TRA2A: variants seen among roughly 807,000 people sequenced by gnomAD.
TRA2A encodes transformer-2 protein homolog alpha.
Under a neutral mutation model 45.7 loss-of-function variants are expected in TRA2A, and 31 were observed. The observed-to-expected ratio is 0.68, with a 90% CI of 0.51 to 0.92. The LOEUF (loss-of-function observed/expected upper bound fraction) is 0.92, where lower values mean the gene tolerates loss of function less well. TRA2A is among the 40% of genes least tolerant of loss of function. The probability of loss-of-function intolerance (pLI) is 0.00; values close to 1 mark genes in which losing one functional copy is unlikely to be tolerated. For synonymous variants in TRA2A, 132 were observed against 126.2 expected (o/e 1.05, Z -0.31); for missense variants, 304 against 367.5 (o/e 0.83, Z 1.41).
intron 1 of TRA2A, among the ~76,000 whole-genome samples, chr7:23,529,941 G>C (rs1245496231): frequency 2.0e-5 from 3 of 147,000 alleles, no homozygotes. Flanking sequence ...GGAGGGAAAA[G>C]TGACAATTGT....
chr7:23,527,439 G>A (rs1377390875), intron 1 of TRA2A, among the ~76,000 whole-genome samples: 1 of 152,038 alleles, frequency 6.6e-6, no homozygotes, highest in Non-Finnish European at 1.5e-5. Flanking sequence ...GAGGACATAT[G>A]AACAAATAGC....
chr7:23,506,425 T>C (rs2127990311), intron 5 of TRA2A, 159 bp from the exon 6 acceptor site: 1 of 896,838 alleles, frequency 1.1e-6, no homozygotes. Flanking sequence ...CATGGTATTC[T>C]GGTTTGCCTT....
chr7:23,522,539 C>T (rs1447408779), intron 1 of TRA2A: 1 of 182,140 alleles, frequency 5.5e-6, no homozygotes, highest in African/African-American at 2.7e-5. Context: ...AGGTAAAGTG[C>T]AAGTAACTAG....
chr7:23,513,990 T>C (rs371560691), intron 3 of TRA2A, among the ~76,000 whole-genome samples: 54 of 152,090 alleles, frequency 3.6e-4, no homozygotes, highest in African/African-American at 1.3e-3. Context: ...AGTATAAGCA[T>C]GTTAGGGCAA....
chr7:23,519,820 T>C (rs1014348255), intron 2 of TRA2A, among the ~76,000 whole-genome samples: 8 of 152,294 alleles, frequency 5.3e-5, no homozygotes, highest in African/African-American at 1.9e-4. Context: ...ATATTTCCCA[T>C]TTTAGCTAGC....
At chr7:23,527,543 G>A (rs974216225) in intron 1 of TRA2A, among the ~76,000 whole-genome samples, 1 of 152,186 alleles carries the variant, frequency 6.6e-6, no homozygotes, top group South Asian at 2.1e-4. Context: ...TTTTCTGCCA[G>A]TCAAGTTCTA....
intron 1 of TRA2A, among the ~76,000 whole-genome samples, chr7:23,525,668 C>G (rs913269652): frequency 2.6e-5 from 4 of 152,214 alleles, no homozygotes; most frequent in Non-Finnish European, 5.9e-5. Flanking sequence ...ACAATCTTCT[C>G]ATTGCAACCT....
chr7:23,506,072 C>A, intron 6 of TRA2A, 66 bp downstream of exon 6: 2 of 1,387,114 alleles, frequency 1.4e-6, no homozygotes, highest in Non-Finnish European at 2.0e-6. Context: ...ATGTATCCAA[C>A]ATAAAAGTGC....
At chr7:23,519,832 C>A (rs1037568299) in intron 2 of TRA2A, among the ~76,000 whole-genome samples, 1 of 152,036 alleles carries the variant, frequency 6.6e-6, no homozygotes, top group African/African-American at 2.4e-5. Context: ...TTAGCTAGCA[C>A]CAATTTACAG....
chr7:23,515,588 C>G (rs532229857), intron 3 of TRA2A, among the ~76,000 whole-genome samples: 2 of 149,108 alleles, frequency 1.3e-5, no homozygotes, highest in South Asian at 4.3e-4. Context: ...TCTCCCAGGC[C>G]AGTCTGGAAT....
At chr7:23,519,782 T>C (rs565084928) in intron 2 of TRA2A, among the ~76,000 whole-genome samples, 4 of 152,230 alleles carry the variant, frequency 2.6e-5, no homozygotes, top group African/African-American at 7.2e-5. Context: ...TGAAACACAA[T>C]AGGTGAACAA....
chr7:23,513,396 T>C (rs1310131651), intron 3 of TRA2A, among the ~76,000 whole-genome samples: 1 of 152,176 alleles, frequency 6.6e-6, no homozygotes, highest in African/African-American at 2.4e-5. Flanking sequence ...GGTGGGTGGA[T>C]CACCTGAGGT....
At chr7:23,531,385 T>G in intron 1 of TRA2A, 1 of 367,052 alleles carries the variant, frequency 2.7e-6, no homozygotes. Context: ...ATGCTCGGGG[T>G]CGCCAGAAAT....
chr7:23,515,027 AT>A (rs1300148574), intron 3 of TRA2A, among the ~76,000 whole-genome samples: 2 of 151,834 alleles, frequency 1.3e-5, no homozygotes, highest in African/African-American at 2.4e-5. Flanking sequence ...CCAAGACTCA[AT>A]TTTTTTTATA....
chr7:23,517,220 T>C (rs1244048906), intron 2 of TRA2A, among the ~76,000 whole-genome samples: 2 of 151,856 alleles, frequency 1.3e-5, no homozygotes, highest in Non-Finnish European at 2.9e-5. Flanking sequence ...CGGTGGCTCA[T>C]GCCTGTAATC....
At chr7:23,521,358 A>C (rs927220822) in intron 2 of TRA2A, among the ~76,000 whole-genome samples, 3 of 152,248 alleles carry the variant, frequency 2.0e-5, no homozygotes, top group Non-Finnish European at 4.4e-5. Flanking sequence ...TGCCAAACAC[A>C]TTTAAATTGA....
intron 1 of TRA2A, among the ~76,000 whole-genome samples, chr7:23,527,606 T>C (rs1251836240): frequency 6.6e-6 from 1 of 152,234 alleles, no homozygotes; most frequent in Non-Finnish European, 1.5e-5. Flanking sequence ...ATAATACACA[T>C]GCTACATCGT....
At position 23,506,393 on chromosome 7, in the gene TRA2A, C is replaced by T. The variant is rs1245326905; in HGVS notation, c.642-127G>A. ...CATCCCTTTCATGAGAAATTGCCTC[C>T]GTATCTCATTTTACTGACTCCCATG... On this transcript the variant is annotated intron_variant, in intron 5 of 7. Transcript: ENST00000297071. 12 of 1,190,758 alleles carry T rather than the reference C, an allele frequency of 1.0e-5. No individual in the cohort carries two copies. In the South Asian group the frequency reaches 1.0e-4, roughly 10 times the overall value. 73.8% of individuals were successfully genotyped at this position (1,190,758 alleles called of 1,614,324 possible).
At chr7:23,531,173 T>C (rs1790566012) in intron 1 of TRA2A, 3 of 982,850 alleles carry the variant, frequency 3.1e-6, no homozygotes, top group Non-Finnish European at 3.6e-6. Context: ...GTGCGGTCGT[T>C]GACTAACCAC....
Sources: allele counts gnomAD v4.1 joint callset (sites outside exome capture counted in the v4.1 genomes callset), GRCh38; gene constraint gnomAD v4.1.1; transcripts MANE v1.5; gene names NCBI Gene and HGNC (gene_info 2026-07-23, HGNC 2026-07-21).